Variants in PXDNL observed in about 807,000 individuals in gnomAD.
PXDNL encodes probable oxidoreductase PXDNL.
A neutral mutation model predicts 150.8 loss-of-function variants in PXDNL; 145 were observed. The ratio of observed to expected loss-of-function variants is 0.96; its 90% CI spans 0.84 to 1.10. The LOEUF (loss-of-function observed/expected upper bound fraction) is 1.10. Among genes scored for constraint, PXDNL ranks in the 50% least tolerant of loss-of-function variants. PXDNL has a pLI of 0.00. For synonymous variants in PXDNL, 757 were observed against 725.7 expected (o/e 1.04, Z -0.69); for missense variants, 2,087 against 1,873.9 (o/e 1.11, Z -2.10).
At chr8:51,346,977 A>G (rs1345222308) in intron 19 of PXDNL, among the ~76,000 whole-genome samples, 1 of 152,214 alleles carries the variant, frequency 6.6e-6, no homozygotes, top group Non-Finnish European at 1.5e-5. Context: ...AAACTAAGAT[A>G]TTTTGAAAAT....
chr8:51,564,506 C>G (rs1812776159), intron 3 of PXDNL, among the ~76,000 whole-genome samples: 1 of 151,376 alleles, frequency 6.6e-6, no homozygotes. Context: ...TTTTTCCATG[C>G]TCACTCTCCT....
At chr8:51,585,583 A>G (rs112646420) in intron 3 of PXDNL, among the ~76,000 whole-genome samples, 1 of 152,246 alleles carries the variant, frequency 6.6e-6, no homozygotes, top group African/African-American at 2.4e-5. Flanking sequence ...GCCTTCATCA[A>G]AAAACCTTTA....
chr8:51,366,047 T>C (rs1806908790), intron 19 of PXDNL, among the ~76,000 whole-genome samples: 1 of 152,192 alleles, frequency 6.6e-6, no homozygotes, highest in Admixed American at 6.5e-5. Flanking sequence ...CAAAATTACT[T>C]GACATTTACG....
Position 51,520,429 on chromosome 8 carries a change from G to A in PXDNL, c.381-20659C>T, listed in dbSNP as rs1490423874. 4.6e-5 allele frequency among the ~76,000 whole-genome samples: 7 copies of A among 152,198 alleles called. No individual in the cohort carries two copies. In the South Asian group the frequency reaches 6.2e-4, roughly 14 times the overall value. On this transcript the variant is annotated intron_variant, in intron 4 of 22. Coordinates refer to ENST00000356297, the MANE Select transcript of PXDNL (RefSeq NM_144651.5). ...AAGTGACTGGGGCCAATCACTCCAC[G>A]CCGCACCAGGAGGAGGGACGGAAAC...
chr8:51,449,010 G>C lies in PXDNL; in HGVS notation c.1358C>G (p.Thr453Arg). The C allele has an allele frequency of 1.3e-6, 2 of 1,531,080 alleles. No individual in the cohort carries two copies. Among genetic ancestry groups the C allele is most frequent in the South Asian group, 2.4e-5 (2 of 83,666 alleles). 94.8% of individuals were successfully genotyped at this position (1,531,080 alleles called of 1,614,324 possible). ...DGNPPPVIVW[T>R]KTGGQLPVEG... is the part of the protein sequence containing the mutation. ...TGCAGATGTTCTAATACCTGTTTTTGTCCAGACAATAACAGGAGGTGGGTT... is the reference window on the plus strand; with the variant it reads ...TGCAGATGTTCTAATACCTGTTTTTCTCCAGACAATAACAGGAGGTGGGTT... The change falls in exon 11 of 23, where the codon ACA becomes AGA. Residue 453 changes from threonine to arginine, a missense_variant. Transcript: ENST00000356297.
chr8:51,491,262 A>G (rs1486496682), intron 5 of PXDNL, among the ~76,000 whole-genome samples: 1 of 152,102 alleles, frequency 6.6e-6, no homozygotes, highest in Admixed American at 6.6e-5. Flanking sequence ...TCCCTTTTTT[A>G]TACATCTATC....
intron 1 of PXDNL, among the ~76,000 whole-genome samples, chr8:51,771,237 G>T (rs551879378): frequency 6.6e-6 from 1 of 152,198 alleles, no homozygotes; most frequent in South Asian, 2.1e-4. Context: ...TTAAGGGAAC[G>T]TTTCAAAACA....
chr8:51,367,182 T>C (rs1806950396), intron 19 of PXDNL, among the ~76,000 whole-genome samples: 1 of 150,658 alleles, frequency 6.6e-6, no homozygotes, highest in Non-Finnish European at 1.5e-5. Context: ...TGAAACCATT[T>C]CAATTTAGTG....
chr8:51,493,272 C>T (rs1304093319), intron 5 of PXDNL, among the ~76,000 whole-genome samples: 1 of 152,090 alleles, frequency 6.6e-6, no homozygotes. Context: ...TACACCAAAA[C>T]CCCATCTGTA....
At chr8:51,620,517 T>G (rs932214731) in intron 2 of PXDNL, among the ~76,000 whole-genome samples, 1 of 152,036 alleles carries the variant, frequency 6.6e-6, no homozygotes, top group Non-Finnish European at 1.5e-5. Context: ...TTTGCATATT[T>G]CCAGCTGAGA....
intron 17 of PXDNL, among the ~76,000 whole-genome samples, chr8:51,389,859 T>TA (rs1290575298): frequency 1.3e-5 from 2 of 152,222 alleles, no homozygotes; most frequent in Non-Finnish European, 2.9e-5. Flanking sequence ...AAATGCCTTA[T>TA]AAAACACATC....
intron 9 of PXDNL, among the ~76,000 whole-genome samples, 193 bp from the exon 10 acceptor site, chr8:51,453,978 G>A (rs138760916): frequency 9.7e-4 from 148 of 152,194 alleles, no homozygotes; most frequent in African/African-American, 3.3e-3. Flanking sequence ...TTTGCTGTAA[G>A]TACATACTTT....
At chr8:51,560,974 T>TTTA (rs1812705111) in intron 3 of PXDNL, among the ~76,000 whole-genome samples, 1 of 150,936 alleles carries the variant, frequency 6.6e-6, no homozygotes, top group Non-Finnish European at 1.5e-5. Flanking sequence ...GGTAAAGGAC[T>TTTA]TTAATAGACA....
At chr8:51,384,612 C>T (rs921319436) in intron 17 of PXDNL, among the ~76,000 whole-genome samples, 20 of 152,040 alleles carry the variant, frequency 1.3e-4, no homozygotes, top group Admixed American at 8.5e-4. Context: ...TGTTAACAAA[C>T]ATCTCTGTAA....
chr8:51,509,792 G>GTATATGTATATGTATATATATA (rs1194934655), intron 4 of PXDNL, among the ~76,000 whole-genome samples: 17 of 137,466 alleles, frequency 1.2e-4, no homozygotes, highest in Non-Finnish European at 2.7e-4. Flanking sequence ...ACACACACAC[G>GTATATGTATATGTATATATATA]TATATGTATA....
In PXDNL at chr8:51,408,526, T is replaced by C. The variant is rs541392607; in HGVS notation, c.3098A>G (p.Tyr1033Cys). 6.2e-6 allele frequency: 10 copies of C among 1,613,210 alleles called. No individual in the cohort carries two copies. The highest frequency in any genetic ancestry group is 7.6e-6 in the Non-Finnish European group (9 of 1,179,546). ...GDPGTRMLRG[Y>C]RGYNPNVNAG... ...ATTCACGTTGGGGTTGTAGCCTCGG[T>C]AACCCCTCAGCATCCTAGTGCCAGG... The change falls in exon 17 of 23, where the codon TAC (tyrosine) becomes TGC (cysteine). Residue 1033 changes from tyrosine (Y) to cysteine (C), a missense_variant. Tyr to Cys is a radical substitution (Grantham distance 194). Transcript: ENST00000356297.
intron 5 of PXDNL, among the ~76,000 whole-genome samples, chr8:51,494,144 G>T (rs1810977847): frequency 6.6e-6 from 1 of 152,166 alleles, no homozygotes; most frequent in East Asian, 1.9e-4. Flanking sequence ...TTAAAGAAAA[G>T]AATTTTCAAC....
At chr8:51,370,315 T>A (rs949701808) in intron 19 of PXDNL, among the ~76,000 whole-genome samples, 1 of 152,136 alleles carries the variant, frequency 6.6e-6, no homozygotes, top group African/African-American at 2.4e-5. Flanking sequence ...GCTCTGGTCA[T>A]CACAGCCCAC....
At chr8:51,663,634 G>A (rs1338681214) in intron 1 of PXDNL, among the ~76,000 whole-genome samples, 1 of 152,008 alleles carries the variant, frequency 6.6e-6, no homozygotes, top group Non-Finnish European at 1.5e-5. Flanking sequence ...CCTGTATGTG[G>A]GAACCCAGAG....
Sources: allele counts gnomAD v4.1 joint callset (sites outside exome capture counted in the v4.1 genomes callset), GRCh38; gene constraint gnomAD v4.1.1; transcripts MANE v1.5; gene names NCBI Gene and HGNC (gene_info 2026-07-23, HGNC 2026-07-21).